The following PTPRZ1 variants were observed in gnomAD, a reference collection of about 807,000 sequenced individuals.
The protein encoded by PTPRZ1 is receptor-type tyrosine-protein phosphatase zeta.
Under a neutral mutation model 214.1 loss-of-function variants are expected in PTPRZ1, and 82 were observed. The observed-to-expected ratio is 0.38, with a 90% confidence interval of 0.32 to 0.46. PTPRZ1 has a LOEUF of 0.46. Among genes scored for constraint, PTPRZ1 ranks in the 20% least tolerant of loss-of-function variants. The pLI is 1.00. For missense variants in PTPRZ1, 2,603 were observed against 2,748.7 expected (o/e 0.95, Z 1.19); for synonymous variants, 945 against 987.9 (o/e 0.96, Z 0.81).
chr7:121,975,643 T>C (rs1481357637), intron 4 of PTPRZ1, among the ~76,000 whole-genome samples: 1 of 152,132 alleles, frequency 6.6e-6, no homozygotes, highest in African/African-American at 2.4e-5. Flanking sequence ...CCAAATTATA[T>C]AGAGGCTGTT....
chr7:121,931,259 A>G (rs1795914087), intron 2 of PTPRZ1, among the ~76,000 whole-genome samples: 2 of 152,308 alleles, frequency 1.3e-5, no homozygotes, highest in South Asian at 2.1e-4. Flanking sequence ...TAAAAACGTG[A>G]TACATAGAGA....
At chr7:121,983,572 A>G (rs1014768944) in intron 6 of PTPRZ1, 93 bp from the exon 7 acceptor site, 9 of 1,201,980 alleles carry the variant, frequency 7.5e-6, no homozygotes, top group South Asian at 4.9e-5. Flanking sequence ...GATTAAATAC[A>G]TAACAAAGCA....
intron 1 of PTPRZ1, among the ~76,000 whole-genome samples, chr7:121,917,785 G>A (rs1056712303): frequency 5.3e-5 from 8 of 152,008 alleles, no homozygotes; most frequent in Non-Finnish European, 8.8e-5. Flanking sequence ...GTAAGATTCC[G>A]ATCTTAAAAA....
intron 27 of PTPRZ1, among the ~76,000 whole-genome samples, chr7:122,057,962 GTGTGTGTA>G (rs981844676): frequency 8.3e-5 from 7 of 84,302 alleles, no homozygotes; most frequent in Non-Finnish European, 1.5e-4. Flanking sequence ...GTGTGTGTGT[GTGTGTGTA>G]TATATATACA....
chr7:122,018,255 G>A (rs1323613449), intron 12 of PTPRZ1, among the ~76,000 whole-genome samples: 5 of 152,146 alleles, frequency 3.3e-5, no homozygotes, highest in African/African-American at 9.6e-5. Context: ...ACACCTCAAA[G>A]CAAAGAGGAA....
intron 2 of PTPRZ1, among the ~76,000 whole-genome samples, chr7:121,936,103 G>A (rs1045645055): frequency 2.6e-5 from 4 of 152,186 alleles, no homozygotes; most frequent in Admixed American, 2.0e-4. Flanking sequence ...TAAGGGCCTA[G>A]TGGAAGGCTT....
At position 121,979,365 on chromosome 7, in the gene PTPRZ1, T is replaced by A. The variant is rs111614653; in HGVS notation, c.619+2514T>A. Among the ~76,000 whole-genome samples the A allele has an allele frequency of 6.6e-3, 1,011 of 152,290 alleles. 10 individuals carry two copies. The highest frequency in any genetic ancestry group is 0.022 in the African/African-American group (924 of 41,566). ...AGACGTTAGTTGCAATCTTTCGAGT[T>A]GCAGGGAAGAGACACATCCCAGGTA... is the stretch of plus-strand genomic sequence containing the variant. On this transcript the variant is annotated intron_variant, in intron 6 of 29. Transcript: ENST00000393386.
chr7:122,001,913 A>G (rs1461136853), intron 10 of PTPRZ1, among the ~76,000 whole-genome samples: 1 of 152,152 alleles, frequency 6.6e-6, no homozygotes, highest in Non-Finnish European at 1.5e-5. Context: ...TGATGAAGGG[A>G]GATGATTCTA....
Position 122,011,612 on chromosome 7 carries a change from T to C in PTPRZ1, c.2566T>C (p.Leu856=), listed in dbSNP as rs1310076876. Reference sequence around the variant, plus strand: ...AGCTACCGAGAGTGATAAGGTGCCCTTGCATGCTTCTCTGCCAGTGGCTGG... The same window carrying C: ...AGCTACCGAGAGTGATAAGGTGCCCCTGCATGCTTCTCTGCCAGTGGCTGG... ...TSATESDKVP[L]HASLPVAGGD... Residue 856 remains leucine (L), a synonymous_variant, in exon 12 of 30, where the codon TTG becomes CTG. Transcript: ENST00000393386. 6.2e-6 allele frequency: 10 copies of C among 1,614,012 alleles called. No individual in the cohort carries two copies. Among genetic ancestry groups the C allele is most frequent in the Non-Finnish European group, 8.5e-6 (10 of 1,180,028 alleles).
At chr7:121,938,215 G>A (rs1796142850) in intron 2 of PTPRZ1, among the ~76,000 whole-genome samples, 1 of 152,068 alleles carries the variant, frequency 6.6e-6, no homozygotes, top group South Asian at 2.1e-4. Flanking sequence ...TATCAAACAA[G>A]CATTAAACCA....
At chr7:121,895,180 A>G (rs2116233968) in intron 1 of PTPRZ1, among the ~76,000 whole-genome samples, 1 of 152,330 alleles carries the variant, frequency 6.6e-6, no homozygotes, top group East Asian at 1.9e-4. Flanking sequence ...TTTGGAGCCC[A>G]TAAAAATAGG....
chr7:122,055,379 G>T (rs559968276), intron 27 of PTPRZ1, among the ~76,000 whole-genome samples: 1 of 151,778 alleles, frequency 6.6e-6, no homozygotes, highest in Admixed American at 6.6e-5. Flanking sequence ...CACAGTAAAA[G>T]AATAAATTTA....
chr7:121,880,269 CA>C (rs1794198240), intron 1 of PTPRZ1, among the ~76,000 whole-genome samples: 2 of 152,080 alleles, frequency 1.3e-5, no homozygotes, highest in South Asian at 4.2e-4. Context: ...TGCATGCTAA[CA>C]GGGGATAGTT....
intron 2 of PTPRZ1, among the ~76,000 whole-genome samples, chr7:121,954,948 T>TGATAAGTGTATA (rs1376223625): frequency 6.6e-6 from 1 of 152,192 alleles, no homozygotes; most frequent in South Asian, 2.1e-4. Context: ...GAGTATTCTG[T>TGATAAGTGTATA]GATAAGTGTA....
At chr7:121,990,977 T>C (rs547162148) in intron 8 of PTPRZ1, among the ~76,000 whole-genome samples, 8 of 152,214 alleles carry the variant, frequency 5.3e-5, no homozygotes, top group Non-Finnish European at 1.0e-4. Flanking sequence ...CCTTACAAGG[T>C]TTTTCTGCTA....
intron 22 of PTPRZ1, 79 bp from the exon 23 acceptor site, chr7:122,044,343 A>G (rs535331845): frequency 5.1e-5 from 78 of 1,525,208 alleles, no homozygotes; most frequent in Middle Eastern, 1.8e-4. Context: ...TTGTCTGTCA[A>G]TGGAAGGTAC....
At position 121,873,180 on chromosome 7, in the gene PTPRZ1, C is replaced by T. The variant is rs1029262747; in HGVS notation, c.-320C>T. ...GCGCTCAGACCGCGGCCGCCGCAGC[C>T]GGCGAAAGAGGCAAAGTCCCGCACG... On this transcript the variant is annotated 5_prime_UTR_variant, in exon 1 of 30. Coordinates refer to ENST00000393386, the MANE Select transcript of PTPRZ1 (RefSeq NM_002851.3). 3 of 413,088 alleles carry T rather than the reference C, an allele frequency of 7.3e-6. No homozygotes were observed. Among genetic ancestry groups the T allele is most frequent in the East Asian group, 3.5e-5 (1 of 28,394 alleles). 25.6% of individuals were successfully genotyped at this position (413,088 alleles called of 1,614,324 possible).
At chr7:121,907,113 TTAA>T (rs1298348556) in intron 1 of PTPRZ1, among the ~76,000 whole-genome samples, 1 of 147,474 alleles carries the variant, frequency 6.8e-6, no homozygotes, top group African/African-American at 2.6e-5. Context: ...TCATCAATAA[TTAA>T]TAATGTGACT....
intron 1 of PTPRZ1, among the ~76,000 whole-genome samples, chr7:121,923,331 C>T (rs1486237139): frequency 2.6e-5 from 4 of 152,092 alleles, no homozygotes; most frequent in Admixed American, 6.5e-5. Context: ...CTTTAAAGGA[C>T]GTGAAATATG....
Sources: gnomAD v4.1 joint callset for allele counts (sites outside exome capture counted in the v4.1 genomes callset) on GRCh38, gnomAD v4.1.1 for gene constraint, MANE v1.5 for transcripts, NCBI Gene and HGNC (gene_info 2026-07-23, HGNC 2026-07-21) for gene names.